The following LRP1B variants were observed in gnomAD, a reference collection of about 807,000 sequenced individuals.
LRP1B encodes LDL receptor related protein 1B.
LRP1B carries 217 observed loss-of-function variants against 556.6 expected under a neutral mutation model. That is an observed-to-expected ratio of 0.39 (90% CI 0.35 to 0.44). The LOEUF (loss-of-function observed/expected upper bound fraction) is 0.44, where lower values mean the gene tolerates loss of function less well. Among genes scored for constraint, LRP1B ranks in the 20% least tolerant of loss-of-function variants. LRP1B has a pLI of 1.00. For missense variants in LRP1B, 5,053 were observed against 5,620.8 expected (o/e 0.90, Z 3.23); for synonymous variants, 2,047 against 1,865.8 (o/e 1.10, Z -2.50).
intron 1 of LRP1B, among the ~76,000 whole-genome samples, chr2:142,083,107 G>T (rs1705782127): frequency 6.6e-6 from 1 of 152,182 alleles, no homozygotes; most frequent in South Asian, 2.1e-4. Context: ...CAAGGTAGAG[G>T]TTCATAGGCC....
intron 2 of LRP1B, among the ~76,000 whole-genome samples, chr2:141,518,511 G>A (rs1395008039): frequency 2.0e-5 from 3 of 152,116 alleles, no homozygotes; most frequent in South Asian, 2.1e-4. Context: ...GCAAAAATGT[G>A]TTGCTACAGA....
chr2:141,094,210 T>C (rs887010700), intron 7 of LRP1B, among the ~76,000 whole-genome samples: 1 of 152,174 alleles, frequency 6.6e-6, no homozygotes, highest in Non-Finnish European at 1.5e-5. Context: ...GACTTCTAAG[T>C]ACTAAATATT....
Position 140,352,992 on chromosome 2 carries a change from G to A in LRP1B, c.11611C>T (p.Gln3871Ter). 6.2e-7 allele frequency: 1 copy of A among 1,612,348 alleles called. No homozygotes were observed. The highest frequency in any genetic ancestry group is 8.5e-7 in the Non-Finnish European group (1 of 1,179,076). ...GTGTTATTTCTTTCTTGAAAATTCT[G>A]GTCACACACACATTTATATGATCCT... ...VEGSYKCVCD[Q>*]NFQERNNTCI... is the part of the protein sequence containing the mutation. Residue 3871 changes from glutamine (Q) to a stop codon, truncating the protein, a stop_gained, in exon 76 of 91, where the codon CAG (glutamine) becomes TAG (stop). Coordinates refer to ENST00000389484, the MANE Select transcript of LRP1B (RefSeq NM_018557.3). LOFTEE classifies it high-confidence loss of function.
At chr2:141,671,622 A>C (rs1690669796) in intron 2 of LRP1B, among the ~76,000 whole-genome samples, 1 of 152,184 alleles carries the variant, frequency 6.6e-6, no homozygotes. Context: ...TAACATCAAC[A>C]TACCATTGCA....
At chr2:140,523,443 C>T (rs1180559361) in intron 49 of LRP1B, among the ~76,000 whole-genome samples, 1 of 151,842 alleles carries the variant, frequency 6.6e-6, no homozygotes, top group Non-Finnish European at 1.5e-5. Context: ...GGTGCAAAAG[C>T]TGGAATCATT....
intron 1 of LRP1B, among the ~76,000 whole-genome samples, chr2:141,981,206 A>G (rs1191735264): frequency 1.3e-5 from 2 of 152,106 alleles, no homozygotes; most frequent in African/African-American, 4.8e-5. Flanking sequence ...GGACTGACAG[A>G]TACTAGTAAG....
chr2:140,957,362 A>T (rs1030507), intron 18 of LRP1B, among the ~76,000 whole-genome samples: 145,736 of 151,572 alleles, frequency 0.96, 70,318 homozygotes, highest in Non-Finnish European at 1. Context: ...AATTTTAGAA[A>T]GGTTGCAATA....
In LRP1B at chr2:140,306,102, G is replaced by C; in HGVS notation, c.12806-8133C>G. On this transcript the variant is annotated intron_variant, in intron 83 of 90. Transcript: ENST00000389484. ...GCATCGATATTCATCAGGTATATTG[G>C]TCTAACATTCTCTTTTTTTGTTGTG... Among the ~76,000 whole-genome samples, 2 of 130,788 alleles carry C rather than the reference G, an allele frequency of 1.5e-5. 1 individual carries two copies. Among genetic ancestry groups the C allele is most frequent in the Non-Finnish European group, 3.6e-5 (2 of 55,370 alleles). 85.8% of individuals were successfully genotyped at this position (130,788 alleles called of 152,430 possible).
chr2:141,474,585 A>G (rs918517078), intron 3 of LRP1B, among the ~76,000 whole-genome samples: 2 of 152,200 alleles, frequency 1.3e-5, no homozygotes, highest in African/African-American at 2.4e-5. Context: ...ATATTAGGAA[A>G]GTTATTTTCC....
At chr2:140,844,413 A>G (rs1347479935) in intron 29 of LRP1B, among the ~76,000 whole-genome samples, 41 of 151,796 alleles carry the variant, frequency 2.7e-4, no homozygotes, top group Non-Finnish European at 1.5e-5. Flanking sequence ...ACCAGATTGA[A>G]CTTTCTAATT....
At chr2:141,589,909 A>G (rs529393969) in intron 2 of LRP1B, among the ~76,000 whole-genome samples, 2 of 152,200 alleles carry the variant, frequency 1.3e-5, no homozygotes, top group Non-Finnish European at 2.9e-5. Flanking sequence ...AAAGTTCAAC[A>G]ATATTATTAA....
At chr2:140,659,238 C>A (rs1685005936) in intron 41 of LRP1B, among the ~76,000 whole-genome samples, 1 of 149,002 alleles carries the variant, frequency 6.7e-6, no homozygotes, top group Admixed American at 6.8e-5. Context: ...GAAGATCCCA[C>A]TTTACTGAAC....
intron 3 of LRP1B, among the ~76,000 whole-genome samples, chr2:141,476,776 A>G (rs868613253): frequency 1.3e-5 from 2 of 152,158 alleles, no homozygotes; most frequent in Non-Finnish European, 1.5e-5. Flanking sequence ...TTCCCTTATT[A>G]GTTTTATAAA....
intron 2 of LRP1B, among the ~76,000 whole-genome samples, chr2:141,754,831 A>G (rs1021160588): frequency 1.3e-5 from 2 of 152,190 alleles, no homozygotes; most frequent in Non-Finnish European, 2.9e-5. Context: ...GAAATCATAT[A>G]TCTTGACAGA....
chr2:141,898,269 G>C (rs555506973), intron 1 of LRP1B, among the ~76,000 whole-genome samples: 40 of 152,186 alleles, frequency 2.6e-4, no homozygotes, highest in Admixed American at 1.2e-3. Flanking sequence ...AAGTCATGGA[G>C]CCAGGCCTCA....
chr2:140,707,601 G>A (rs922990488), intron 37 of LRP1B, among the ~76,000 whole-genome samples: 2 of 152,046 alleles, frequency 1.3e-5, no homozygotes, highest in African/African-American at 4.8e-5. Flanking sequence ...CAGATCATAA[G>A]TAAAATAAGA....
At position 140,501,895 on chromosome 2, in the gene LRP1B, A is replaced by G. The variant is rs184358664; in HGVS notation, c.8663-21T>C. The G allele has an allele frequency of 5.7e-5, 90 of 1,566,134 alleles. No homozygotes were observed. The African/African-American group carries it at 1.1e-3, about 20-fold the overall frequency. ...CTGTTCTGGAAAAAAAATAAAACAA[A>G]TGGAACATAAAGGGCATGCCATTGT... is the stretch of plus-strand genomic sequence containing the variant. On this transcript the variant is annotated intron_variant, in intron 54 of 90. Transcript: ENST00000389484.
At chr2:141,575,945 G>T (rs1278155236) in intron 2 of LRP1B, among the ~76,000 whole-genome samples, 1 of 152,100 alleles carries the variant, frequency 6.6e-6, no homozygotes, top group Non-Finnish European at 1.5e-5. Flanking sequence ...AATAATAGAT[G>T]CTGGCGAGGC....
intron 1 of LRP1B, among the ~76,000 whole-genome samples, chr2:141,851,359 C>A (rs745905961): frequency 6.6e-6 from 1 of 151,774 alleles, no homozygotes; most frequent in Non-Finnish European, 1.5e-5. Context: ...CACAACCCTC[C>A]CTTTCTCTAA....
Sources: gnomAD v4.1 joint callset for allele counts (sites outside exome capture counted in the v4.1 genomes callset) on GRCh38, gnomAD v4.1.1 for gene constraint, MANE v1.5 for transcripts, NCBI Gene and HGNC (gene_info 2026-07-23, HGNC 2026-07-21) for gene names.